EPB41L2: variants seen among roughly 807,000 people sequenced by gnomAD.
The protein encoded by EPB41L2 is band 4.1-like protein 2.
EPB41L2 carries 43 observed loss-of-function variants against 113.0 expected under a neutral mutation model. That is an observed-to-expected ratio of 0.38 (90% CI 0.30 to 0.49). The LOEUF is 0.49. EPB41L2 is among the 20% of genes least tolerant of loss of function. EPB41L2 has a pLI of 0.95. For missense variants in EPB41L2, 1,147 were observed against 1,223.4 expected, an observed-to-expected ratio of 0.94 and a Z score of 0.93; for synonymous variants, 442 against 436.7, an observed-to-expected ratio of 1.01 and a Z score of -0.15.
At chr6:131,010,806 C>T (rs191994486) in intron 1 of EPB41L2, among the ~76,000 whole-genome samples, 339 of 152,258 alleles carry the variant, frequency 2.2e-3, no homozygotes, top group African/African-American at 7.4e-3. Flanking sequence ...CTTGGAGCAA[C>T]CTCAGGTGAA....
At chr6:131,056,959 G>A (rs1238974656) in intron 1 of EPB41L2, among the ~76,000 whole-genome samples, 1 of 152,038 alleles carries the variant, frequency 6.6e-6, no homozygotes, top group Non-Finnish European at 1.5e-5. Flanking sequence ...GTTTAACCTT[G>A]ACAGTTAGGT....
intron 10 of EPB41L2, among the ~76,000 whole-genome samples, chr6:130,893,156 A>C (rs926007624): frequency 6.6e-6 from 1 of 152,242 alleles, no homozygotes; most frequent in African/African-American, 2.4e-5. Flanking sequence ...TTATATAACC[A>C]TATATACATA....
intron 14 of EPB41L2, among the ~76,000 whole-genome samples, chr6:130,874,035 G>A (rs777990261): frequency 5.9e-5 from 9 of 152,128 alleles, no homozygotes; most frequent in Admixed American, 1.3e-4. Flanking sequence ...CACACATTTC[G>A]TTATCCAATG....
At chr6:130,856,540 A>T (rs1463056917) in intron 19 of EPB41L2, among the ~76,000 whole-genome samples, 5 of 152,254 alleles carry the variant, frequency 3.3e-5, no homozygotes, top group Admixed American at 3.3e-4. Context: ...ATATTTACCA[A>T]ACTAGCAAAA....
At chr6:131,055,684 C>T (rs1297545982) in intron 1 of EPB41L2, among the ~76,000 whole-genome samples, 2 of 152,126 alleles carry the variant, frequency 1.3e-5, no homozygotes, top group Admixed American at 6.5e-5. Flanking sequence ...AGCTGGGTGC[C>T]CTTGAGCCAT....
intron 1 of EPB41L2, among the ~76,000 whole-genome samples, chr6:131,036,843 G>T (rs547710981): frequency 2.6e-5 from 4 of 152,292 alleles, no homozygotes; most frequent in South Asian, 2.1e-4. Context: ...GGCCAGAAGT[G>T]ATGAGACAGA....
intron 8 of EPB41L2, among the ~76,000 whole-genome samples, chr6:130,896,177 A>C (rs1394350997): frequency 6.6e-6 from 1 of 152,238 alleles, no homozygotes; most frequent in Non-Finnish European, 1.5e-5. Flanking sequence ...TCAGTTTTTT[A>C]TAAATAAAAG....
At chr6:130,895,340 C>G (rs1794313666) in intron 8 of EPB41L2, among the ~76,000 whole-genome samples, 2 of 152,228 alleles carry the variant, frequency 1.3e-5, no homozygotes, top group Non-Finnish European at 2.9e-5. Flanking sequence ...CGAAGAGTTA[C>G]GGCAACATGA....
At chr6:130,947,216 C>G (rs2128600961) in intron 3 of EPB41L2, among the ~76,000 whole-genome samples, 1 of 152,168 alleles carries the variant, frequency 6.6e-6, no homozygotes, top group South Asian at 2.1e-4. Flanking sequence ...AGAACCTCAC[C>G]CTACTCTCTA....
At chr6:130,938,863 C>CT (rs1044900162) in intron 3 of EPB41L2, among the ~76,000 whole-genome samples, 1 of 152,092 alleles carries the variant, frequency 6.6e-6, no homozygotes, top group African/African-American at 2.4e-5. Flanking sequence ...TACTTAGCTG[C>CT]TTATCTGCTA....
At chr6:131,006,584 C>T (rs1261266863) in intron 1 of EPB41L2, among the ~76,000 whole-genome samples, 2 of 151,184 alleles carry the variant, frequency 1.3e-5, no homozygotes, top group African/African-American at 2.4e-5. Context: ...GCAGGAGAAT[C>T]GCTTGAACCC....
In EPB41L2 at chr6:131,049,229, A is replaced by G. The variant is rs1468832579; in HGVS notation, c.-15+13926T>C. On this transcript the variant is annotated intron_variant, in intron 1 of 19. Coordinates refer to ENST00000337057, the MANE Select transcript of EPB41L2 (RefSeq NM_001431.4). Reference sequence around the variant, plus strand: ...GTATTCACATTCCCATATGTGTATAATTTAAAACAGACAATCTTGGCATTA... The same window carrying G: ...GTATTCACATTCCCATATGTGTATAGTTTAAAACAGACAATCTTGGCATTA... Among the ~76,000 whole-genome samples the G allele has an allele frequency of 5.3e-5, 8 of 152,340 alleles. No individual in the cohort carries two copies. The East Asian group carries it at 1.2e-3, about 22-fold the overall frequency.
At chr6:130,852,307 G>T (rs1810036540) in intron 19 of EPB41L2, among the ~76,000 whole-genome samples, 2 of 152,130 alleles carry the variant, frequency 1.3e-5, no homozygotes, top group Non-Finnish European at 2.9e-5. Context: ...CTCTTAACAT[G>T]CAGACGATCC....
intron 1 of EPB41L2, among the ~76,000 whole-genome samples, chr6:131,006,389 C>T (rs1212552213): frequency 4.1e-5 from 6 of 147,650 alleles, no homozygotes; most frequent in African/African-American, 9.9e-5. Context: ...AGGCTGGGCA[C>T]GGTGGCTCAC....
intron 1 of EPB41L2, among the ~76,000 whole-genome samples, chr6:131,047,727 C>A (rs1158303094): frequency 6.6e-6 from 1 of 152,096 alleles, no homozygotes; most frequent in African/African-American, 2.4e-5. Flanking sequence ...CTGTATAGTC[C>A]CATTAAAATT....
In EPB41L2 at chr6:131,031,790, G is replaced by A. The variant is rs569984489; in HGVS notation, c.-15+31365C>T. Among the ~76,000 whole-genome samples the A allele has an allele frequency of 7.9e-5, 12 of 152,136 alleles. No individual in the cohort carries two copies. The East Asian group carries it at 1.7e-3, about 22-fold the overall frequency. On this transcript the variant is annotated intron_variant, in intron 1 of 19. Transcript: ENST00000337057. ...TCAACCTTTCTCCAATTCTGAAGGC[G>A]GCATTTATCGATGTACACAAATGAG...
At chr6:130,976,676 G>C (rs1359808447) in intron 1 of EPB41L2, among the ~76,000 whole-genome samples, 1 of 152,060 alleles carries the variant, frequency 6.6e-6, no homozygotes, top group Non-Finnish European at 1.5e-5. Context: ...AAAAGTATTA[G>C]GATAAAACTC....
At chr6:130,974,096 A>G (rs1777554050) in intron 1 of EPB41L2, among the ~76,000 whole-genome samples, 1 of 152,078 alleles carries the variant, frequency 6.6e-6, no homozygotes, top group Admixed American at 6.5e-5. Flanking sequence ...TAAAATTCCT[A>G]TGTTAAATCT....
At chr6:131,051,682 T>A (rs1031137151) in intron 1 of EPB41L2, among the ~76,000 whole-genome samples, 2 of 152,102 alleles carry the variant, frequency 1.3e-5, no homozygotes, top group African/African-American at 4.8e-5. Flanking sequence ...GTTCCAGATA[T>A]CTTTGAGGAC....
Sources: gnomAD v4.1 joint callset for allele counts (sites outside exome capture counted in the v4.1 genomes callset) on GRCh38, gnomAD v4.1.1 for gene constraint, MANE v1.5 for transcripts, NCBI Gene and HGNC (gene_info 2026-07-23, HGNC 2026-07-21) for gene names.